Variants in HCLS1 observed in about 807,000 individuals in gnomAD.
The protein encoded by HCLS1 is hematopoietic cell-specific Lyn substrate 1, also known as hematopoietic lineage cell-specific protein.
In HCLS1, 44 loss-of-function variants were observed where a neutral mutation model predicts 68.6. The observed-to-expected ratio is 0.64, with a 90% CI of 0.50 to 0.82. The LOEUF is 0.82. Among genes scored for constraint, HCLS1 ranks in the 40% least tolerant of loss-of-function variants. HCLS1 has a pLI of 0.00. For missense variants in HCLS1, 602 were observed against 612.1 expected (o/e 0.98, Z 0.17); for synonymous variants, 217 against 225.8 (o/e 0.96, Z 0.35).
chr3:121,635,765 C>G lies in HCLS1; in HGVS notation c.661G>C (p.Ala221Pro). 1 of 1,614,126 alleles carries G rather than the reference C, an allele frequency of 6.2e-7. No individual in the cohort carries two copies. Among genetic ancestry groups the G allele is most frequent in the Non-Finnish European group, 8.5e-7 (1 of 1,179,996 alleles). The change falls in exon 9 of 14, where the codon GCT (alanine) becomes CCT (proline). Residue 221 changes from alanine (A) to proline (P), a missense_variant. Physicochemically the swap from Ala to Pro is conservative, Grantham distance 27 (BLOSUM62 -1). Coordinates refer to ENST00000314583, the MANE Select transcript of HCLS1 (RefSeq NM_005335.6). ...TCTATGGGCGTCGTCTTCTTATAAGCTGTGGTCGGGGCCTCCATTTCATTG... is the reference window on the plus strand; with the variant it reads ...TCTATGGGCGTCGTCTTCTTATAAGGTGTGGTCGGGGCCTCCATTTCATTG... ...GFNEMEAPTT[A>P]YKKTTPIEAA... is the part of the protein sequence containing the mutation.
intron 9 of HCLS1, among the ~76,000 whole-genome samples, chr3:121,635,235 TTTTCTCTCTCTCTC>T (rs764529452): frequency 1.2e-5 from 1 of 81,480 alleles, no homozygotes; most frequent in Non-Finnish European, 2.3e-5. Flanking sequence ...CTTCTCTCCC[TTTTCTCTCTCTCTC>T]TCTCTCTCTC....
chr3:121,632,243 G>T, intron 12 of HCLS1, 59 bp from the exon 13 acceptor site: 1 of 1,604,098 alleles, frequency 6.2e-7, no homozygotes, highest in Middle Eastern at 1.7e-4. Flanking sequence ...AACAGAGAAA[G>T]ATCCTACTGG....
At chr3:121,638,201 A>G (rs1301648244) in intron 6 of HCLS1, among the ~76,000 whole-genome samples, 1 of 152,102 alleles carries the variant, frequency 6.6e-6, no homozygotes, top group Non-Finnish European at 1.5e-5. Flanking sequence ...AACTGGGACC[A>G]CAGGCAGGTG....
chr3:121,633,514 G>A (rs189869017), intron 10 of HCLS1, among the ~76,000 whole-genome samples: 4 of 149,316 alleles, frequency 2.7e-5, no homozygotes, highest in Non-Finnish European at 4.5e-5. Flanking sequence ...GAGCCACCAC[G>A]CTCGGCCCAT....
intron 2 of HCLS1, 179 bp downstream of exon 2, chr3:121,658,085 C>T: frequency 1.7e-6 from 1 of 581,958 alleles, no homozygotes; most frequent in Non-Finnish European, 3.1e-6. Flanking sequence ...TCCCTGATAC[C>T]AGGTATCGTG....
intron 2 of HCLS1, 100 bp downstream of exon 2, chr3:121,658,164 A>G (rs1937915104): frequency 1.2e-5 from 10 of 867,732 alleles, no homozygotes; most frequent in South Asian, 4.2e-5. Context: ...TCAGTCCTAG[A>G]AGGCCCTTTT....
intron 6 of HCLS1, among the ~76,000 whole-genome samples, chr3:121,642,262 A>C (rs2049208468): frequency 6.8e-6 from 1 of 148,002 alleles, no homozygotes; most frequent in Non-Finnish European, 1.5e-5. Flanking sequence ...GATCGACACC[A>C]TCCTGGCTAA....
At chr3:121,643,633 T>C (rs563950670) in intron 5 of HCLS1, 45 of 152,398 alleles carry the variant, frequency 3.0e-4, no homozygotes, top group Admixed American at 3.9e-4. Flanking sequence ...CTGGATATGT[T>C]GCCCAGATAC....
rs753268549 is a variant in HCLS1 at position 121,634,361 on chromosome 3, C to G, written c.749G>C (p.Arg250Thr). 2 of 1,614,068 alleles carry G rather than the reference C, an allele frequency of 1.2e-6. No individual in the cohort carries two copies. The highest frequency in any genetic ancestry group is 4.5e-5 in the East Asian group (2 of 44,902). The change falls in exon 10 of 14, where the codon AGG becomes ACG. Residue 250 changes from arginine (R) to threonine (T), a missense_variant. Transcript: ENST00000314583. The stretch of plus-strand genomic sequence containing the variant: ...TGCCTTCTCCTCTTCCTCTCGCTTC[C>G]TCTTCTCCTCAGCCATGGACTCAAA... Reference protein sequence around the residue: ...AKFESMAEEKRKREEEEKAQQ... With the variant: ...AKFESMAEEKTKREEEEKAQQ...
At chr3:121,655,181 C>T (rs1205398445) in intron 3 of HCLS1, among the ~76,000 whole-genome samples, 2 of 152,162 alleles carry the variant, frequency 1.3e-5, no homozygotes, top group Non-Finnish European at 2.9e-5. Flanking sequence ...CAGCACCCGT[C>T]AGAGTGATCT....
chr3:121,632,287 C>T (rs2108855174), intron 12 of HCLS1, 45 bp downstream of exon 12: 2 of 1,607,398 alleles, frequency 1.2e-6, no homozygotes, highest in South Asian at 1.1e-5. Flanking sequence ...TCTTACCCTC[C>T]CCTGGACATG....
intron 4 of HCLS1, among the ~76,000 whole-genome samples, chr3:121,646,059 TATTA>T (rs1179210888): frequency 1.6e-5 from 2 of 126,036 alleles, no homozygotes; most frequent in East Asian, 4.5e-4. Flanking sequence ...ATATATAATA[TATTA>T]ATTATATACT....
intron 11 of HCLS1, 89 bp from the exon 12 acceptor site, chr3:121,632,652 C>T: frequency 4.4e-6 from 5 of 1,142,310 alleles, no homozygotes; most frequent in Non-Finnish European, 6.3e-6. Flanking sequence ...CTTCACCACC[C>T]TGCCTCTTCT....
At chr3:121,644,796 G>A in intron 5 of HCLS1, 22 bp downstream of exon 5, 2 of 1,523,274 alleles carry the variant, frequency 1.3e-6, no homozygotes, top group Non-Finnish European at 1.8e-6. Context: ...GTGGGTGGTT[G>A]GGAGAGAGAG....
At chr3:121,639,080 GTAGAAAGAGAAA>G (rs1238470776) in intron 6 of HCLS1, among the ~76,000 whole-genome samples, 1 of 150,836 alleles carries the variant, frequency 6.6e-6, no homozygotes, top group Admixed American at 6.6e-5. Flanking sequence ...GCTGACAGAA[GTAGAAAGAGAAA>G]TAGACAAATC....
chr3:121,632,621 G>A, intron 11 of HCLS1, 58 bp from the exon 12 acceptor site: 5 of 1,495,976 alleles, frequency 3.3e-6, no homozygotes, highest in African/African-American at 1.4e-5. Flanking sequence ...AATCAATGGA[G>A]GACTGATAAG....
At chr3:121,638,790 C>T (rs2049172275) in intron 6 of HCLS1, among the ~76,000 whole-genome samples, 2 of 152,124 alleles carry the variant, frequency 1.3e-5, no homozygotes, top group Non-Finnish European at 2.9e-5. Context: ...ACAAGAAAGA[C>T]ATGCTCCAAT....
intron 9 of HCLS1, 115 bp downstream of exon 9, chr3:121,635,620 C>A (rs2049142864): frequency 5.0e-6 from 4 of 793,838 alleles, no homozygotes; most frequent in Admixed American, 4.0e-5. Context: ...GGATAGGGAT[C>A]AGGTCTAACT....
intron 1 of HCLS1, among the ~76,000 whole-genome samples, chr3:121,659,577 G>T (rs530012013): frequency 1.3e-5 from 2 of 152,322 alleles, no homozygotes; most frequent in East Asian, 3.9e-4. Flanking sequence ...CAGCCCAGGG[G>T]AAGTCTGGGT....
Sources: gnomAD v4.1 joint callset for allele counts (sites outside exome capture counted in the v4.1 genomes callset) on GRCh38, gnomAD v4.1.1 for gene constraint, MANE v1.5 for transcripts, NCBI Gene and HGNC (gene_info 2026-07-23, HGNC 2026-07-21) for gene names.